The following EMSY variants were observed in gnomAD, a reference collection of about 807,000 sequenced individuals.
EMSY encodes BRCA2-interacting transcriptional repressor EMSY.
A neutral mutation model predicts 134.6 loss-of-function variants in EMSY; 26 were observed. That is an observed-to-expected ratio of 0.19 (90% CI 0.14 to 0.27). The LOEUF (loss-of-function observed/expected upper bound fraction) is 0.27. Ranked by LOEUF, EMSY falls within the 10% of genes least tolerant of loss-of-function variation. EMSY has a pLI of 1.00. For missense variants in EMSY, 1,305 were observed against 1,611.4 expected (o/e 0.81, Z 3.26); for synonymous variants, 579 against 577.8 (o/e 1.00, Z -0.03).
At chr11:76,505,329 G>A (rs1249193455) in intron 9 of EMSY, among the ~76,000 whole-genome samples, 1 of 150,890 alleles carries the variant, frequency 6.6e-6, no homozygotes, top group African/African-American at 2.4e-5. Flanking sequence ...CCAAGTAGCT[G>A]GGATTACAGG....
At chr11:76,507,326 G>A (rs1291444538) in intron 9 of EMSY, among the ~76,000 whole-genome samples, 1 of 152,174 alleles carries the variant, frequency 6.6e-6, no homozygotes, top group East Asian at 1.9e-4. Flanking sequence ...CAACAGTGAA[G>A]TTGGCTGCAT....
At chr11:76,528,199 C>A in intron 13 of EMSY, 69 bp from the exon 15 acceptor site, 2 of 1,370,496 alleles carry the variant, frequency 1.5e-6, no homozygotes, top group Non-Finnish European at 2.1e-6. Flanking sequence ...TAGTTTATGA[C>A]CTAGAAGTTT....
chr11:76,530,301 A>G (rs1300233925), intron 14 of EMSY, among the ~76,000 whole-genome samples: 1 of 151,842 alleles, frequency 6.6e-6, no homozygotes, highest in Non-Finnish European at 1.5e-5. Context: ...CTGGTATTAC[A>G]AGCACGCACC....
At chr11:76,491,638 C>T (rs772369682) in intron 8 of EMSY, among the ~76,000 whole-genome samples, 8 of 152,342 alleles carry the variant, frequency 5.3e-5, no homozygotes, top group South Asian at 2.1e-4. Flanking sequence ...CCGTTTCCTA[C>T]GGATACCCTG....
exon 20 of EMSY, chr11:76,545,802 G>A (rs910757521): frequency 6.3e-7 from 1 of 1,599,058 alleles, no homozygotes; most frequent in South Asian, 1.1e-5. Context: ...TTCAGGTGGA[G>A]CAGCCAATTA....
At chr11:76,489,482 C>T (rs1949329253) in intron 8 of EMSY, among the ~76,000 whole-genome samples, 1 of 152,168 alleles carries the variant, frequency 6.6e-6, no homozygotes, top group African/African-American at 2.4e-5. Flanking sequence ...ACCCCCTTTT[C>T]ATTATGAACC....
intron 9 of EMSY, among the ~76,000 whole-genome samples, chr11:76,507,823 G>A (rs899638016): frequency 6.6e-6 from 1 of 150,994 alleles, no homozygotes; most frequent in African/African-American, 2.4e-5. Context: ...GGCAGCTGTA[G>A]CCTTACAAAA....
intron 8 of EMSY, among the ~76,000 whole-genome samples, chr11:76,493,415 T>G (rs1949504584): frequency 6.6e-6 from 1 of 151,954 alleles, no homozygotes; most frequent in South Asian, 2.1e-4. Flanking sequence ...CCCGGTGAGG[T>G]CCCACCCTCA....
At chr11:76,521,949 A>G (rs531200958) in intron 11 of EMSY, among the ~76,000 whole-genome samples, 2 of 152,194 alleles carry the variant, frequency 1.3e-5, no homozygotes, top group South Asian at 4.2e-4. Context: ...ACTTGAGCTC[A>G]GAAGGTCAAG....
At chr11:76,536,647 G>T (rs1951233738) in intron 15 of EMSY, among the ~76,000 whole-genome samples, 2 of 152,096 alleles carry the variant, frequency 1.3e-5, no homozygotes, top group South Asian at 4.1e-4. Context: ...AAATATCTTT[G>T]ATAAACTCTA....
At chr11:76,514,697 C>T (rs1229186045) in intron 10 of EMSY, among the ~76,000 whole-genome samples, 5 of 152,128 alleles carry the variant, frequency 3.3e-5, no homozygotes, top group African/African-American at 7.2e-5. Flanking sequence ...ATCTCCAAAA[C>T]GTTTTCATCT....
At chr11:76,494,693 TCC>T in intron 8 of EMSY, among the ~76,000 whole-genome samples, 1 of 116,194 alleles carries the variant, frequency 8.6e-6, no homozygotes, top group East Asian at 2.9e-4. Context: ...CTTCCTTCCT[TCC>T]TTCCTTCCTT....
intron 20 of EMSY, among the ~76,000 whole-genome samples, chr11:76,547,400 C>T (rs541595872): frequency 4.6e-5 from 7 of 152,250 alleles, no homozygotes; most frequent in African/African-American, 1.7e-4. Flanking sequence ...TTTGTAAAAA[C>T]AAATGTAAAT....
intron 13 of EMSY, among the ~76,000 whole-genome samples, chr11:76,527,236 T>A (rs1250971035): frequency 2.0e-5 from 3 of 152,060 alleles, no homozygotes; most frequent in African/African-American, 7.2e-5. Context: ...AGAAATGCCA[T>A]CCTAGAATTT....
At chr11:76,502,652 T>C (rs1949919329) in intron 9 of EMSY, among the ~76,000 whole-genome samples, 1 of 151,900 alleles carries the variant, frequency 6.6e-6, no homozygotes, top group Non-Finnish European at 1.5e-5. Flanking sequence ...ATCTATAAAT[T>C]AGCAATATAC....
intron 8 of EMSY, among the ~76,000 whole-genome samples, chr11:76,495,351 A>G (rs1404137557): frequency 6.6e-6 from 1 of 152,230 alleles, no homozygotes; most frequent in East Asian, 1.9e-4. Context: ...GCAGTGCTTA[A>G]AAAGTTAATA....
In EMSY at chr11:76,523,149, T is replaced by G; in HGVS notation, c.1685-6T>G. 1 of 1,603,608 alleles carries G rather than the reference T, an allele frequency of 6.2e-7. No individual in the cohort carries two copies. On this transcript the variant is annotated splice_region_variant and splice_polypyrimidine_tract_variant and intron_variant, in intron 11 of 20. Coordinates refer to ENST00000334736, the Ensembl canonical transcript of EMSY. ...TCAGGCCTCCTTTTCTTCCCCCTTT[T>G]CTAAGGAACGACTACCAAAATCACT... is the stretch of plus-strand genomic sequence containing the variant.
chr11:76,538,536 C>T (rs898582717), intron 16 of EMSY, among the ~76,000 whole-genome samples: 36 of 152,262 alleles, frequency 2.4e-4, no homozygotes, highest in African/African-American at 8.4e-4. Context: ...GCTGGAATTA[C>T]AGGCATGAGC....
rs141672897 is a variant in EMSY at position 76,463,279 on chromosome 11, C to T, written c.572-542C>T. Among the ~76,000 whole-genome samples the T allele has an allele frequency of 4.3e-3, 647 of 151,338 alleles. 2 individuals are homozygous for T. The highest frequency in any genetic ancestry group is 0.015 in the African/African-American group (626 of 41,154). On this transcript the variant is annotated intron_variant, in intron 6 of 20. Transcript: ENST00000334736. ...CAGAGGTTGCAGTGAGCTGAGATCA[C>T]ACCACTGCACTCCAGCCTGGGCGAC...
Sources: allele counts gnomAD v4.1 joint callset (sites outside exome capture counted in the v4.1 genomes callset), GRCh38; gene constraint gnomAD v4.1.1; transcripts MANE v1.5; gene names NCBI Gene and HGNC (gene_info 2026-07-23, HGNC 2026-07-21).